ENPP6: variants seen among roughly 807,000 people sequenced by gnomAD.
ENPP6 encodes the protein ectonucleotide pyrophosphatase/phosphodiesterase 6.
In ENPP6, 32 loss-of-function variants were observed where a neutral mutation model predicts 42.0. The observed-to-expected ratio is 0.76, with a 90% confidence interval of 0.58 to 1.02. The LOEUF (loss-of-function observed/expected upper bound fraction) is 1.02, where lower values mean the gene tolerates loss of function less well. ENPP6 is among the 50% of genes least tolerant of loss of function. The pLI is 0.00. For synonymous variants in ENPP6, 213 were observed against 216.0 expected, an observed-to-expected ratio of 0.99 and a Z score of 0.12; for missense variants, 552 against 566.8, an observed-to-expected ratio of 0.97 and a Z score of 0.27.
intron 1 of ENPP6, among the ~76,000 whole-genome samples, chr4:184,186,242 C>T (rs777896271): frequency 5.9e-5 from 9 of 152,094 alleles, no homozygotes; most frequent in Non-Finnish European, 1.2e-4. Context: ...AAGGAAAAAA[C>T]TATGGATACA....
chr4:184,197,036 C>A (rs1021985143), intron 1 of ENPP6, among the ~76,000 whole-genome samples: 1 of 152,178 alleles, frequency 6.6e-6, no homozygotes, highest in East Asian at 1.9e-4. Flanking sequence ...TTTAGCTGGA[C>A]GTTATAATAC....
chr4:184,116,577 T>C (rs1489541171), intron 5 of ENPP6, among the ~76,000 whole-genome samples: 1 of 149,794 alleles, frequency 6.7e-6, no homozygotes, highest in Non-Finnish European at 1.5e-5. Flanking sequence ...CTACTGAAAA[T>C]ACAAAATTAG....
intron 7 of ENPP6, 46 bp from the exon 8 acceptor site, chr4:184,091,428 G>T: frequency 6.5e-7 from 1 of 1,533,680 alleles, no homozygotes; most frequent in Non-Finnish European, 8.9e-7. Flanking sequence ...CAGCTCCAGG[G>T]CAGAGGTGGG....
intron 1 of ENPP6, among the ~76,000 whole-genome samples, chr4:184,217,363 C>T (rs540528241): frequency 9.2e-5 from 14 of 152,196 alleles, no homozygotes; most frequent in Non-Finnish European, 1.6e-4. Flanking sequence ...CACTGAGAAT[C>T]CAAAACAGGT....
chr4:184,144,059 C>T (rs952257281), intron 2 of ENPP6, among the ~76,000 whole-genome samples: 40 of 152,162 alleles, frequency 2.6e-4, no homozygotes, highest in African/African-American at 9.4e-4. Flanking sequence ...GCTGGCAGGG[C>T]CCCCCGGGCC....
chr4:184,160,320 T>A (rs1341161879), intron 1 of ENPP6, among the ~76,000 whole-genome samples: 3 of 152,236 alleles, frequency 2.0e-5, no homozygotes, highest in Non-Finnish European at 2.9e-5. Context: ...TATATCATTT[T>A]TTTACTTTTT....
intron 2 of ENPP6, among the ~76,000 whole-genome samples, chr4:184,150,554 G>C (rs1280721597): frequency 6.6e-6 from 1 of 152,256 alleles, no homozygotes; most frequent in Admixed American, 6.5e-5. Context: ...TATTGGCTGA[G>C]GCTGGAGGGA....
chr4:184,179,879 G>C (rs962887671), intron 1 of ENPP6, among the ~76,000 whole-genome samples: 2 of 152,186 alleles, frequency 1.3e-5, no homozygotes, highest in Admixed American at 1.3e-4. Flanking sequence ...GCAGTGTTAA[G>C]AGGGAAATTT....
At chr4:184,114,591 C>T (rs1043580812) in intron 5 of ENPP6, among the ~76,000 whole-genome samples, 2 of 152,150 alleles carry the variant, frequency 1.3e-5, no homozygotes, top group South Asian at 2.1e-4. Context: ...GACAAACTGT[C>T]GCCCAAACAT....
At chr4:184,131,796 AACACACACACAC>A (rs140275578) in intron 2 of ENPP6, among the ~76,000 whole-genome samples, 2 of 140,586 alleles carry the variant, frequency 1.4e-5, no homozygotes, top group African/African-American at 2.7e-5. Flanking sequence ...GGACCAATAG[AACACACACACAC>A]ACACACACAC....
intron 1 of ENPP6, among the ~76,000 whole-genome samples, chr4:184,185,450 G>C (rs958279093): frequency 6.6e-6 from 1 of 152,156 alleles, no homozygotes; most frequent in African/African-American, 2.4e-5. Context: ...CAGCGCTCTA[G>C]AGCCACATGG....
chr4:184,119,535 C>T (rs1290523258), intron 3 of ENPP6, among the ~76,000 whole-genome samples: 1 of 152,148 alleles, frequency 6.6e-6, no homozygotes, highest in Non-Finnish European at 1.5e-5. Context: ...AATTCGGGAT[C>T]AAACTCTGGC....
intron 1 of ENPP6, among the ~76,000 whole-genome samples, chr4:184,214,665 G>T (rs1733169854): frequency 6.6e-6 from 1 of 152,176 alleles, no homozygotes; most frequent in Non-Finnish European, 1.5e-5. Context: ...AAAAGAATGT[G>T]TTCATGTCCT....
At chr4:184,185,880 C>G (rs1732627367) in intron 1 of ENPP6, among the ~76,000 whole-genome samples, 1 of 152,098 alleles carries the variant, frequency 6.6e-6, no homozygotes, top group African/African-American at 2.4e-5. Flanking sequence ...TTGAGAAAAC[C>G]TGAAAATATG....
At chr4:184,107,547 T>C (rs1173563183) in intron 6 of ENPP6, among the ~76,000 whole-genome samples, 1 of 151,990 alleles carries the variant, frequency 6.6e-6, no homozygotes, top group Non-Finnish European at 1.5e-5. Context: ...GAGGCTGAGG[T>C]GGGCAGATCA....
At chr4:184,171,244 G>A (rs1334107835) in intron 1 of ENPP6, among the ~76,000 whole-genome samples, 1 of 152,220 alleles carries the variant, frequency 6.6e-6, no homozygotes, top group Non-Finnish European at 1.5e-5. Context: ...GACCTTAGCT[G>A]GGTTGTCAGC....
At position 184,140,763 on chromosome 4, in the gene ENPP6, G is replaced by A. The variant is rs573739947; in HGVS notation, c.421+12791C>T. Among the ~76,000 whole-genome samples, 87 of 124,602 alleles carry A rather than the reference G, an allele frequency of 7.0e-4. 1 individual carries two copies. The South Asian group carries it at 0.026, about 37-fold the overall frequency. The allele number at this position is 124,602 out of a possible 152,430, so 81.7% of individuals were successfully genotyped here. Reference sequence around the variant, plus strand: ...TTCAAGATGGATTAAAGACTTAAACGTTAGACCTAAAACCATAAAAACCCT... The same window carrying A: ...TTCAAGATGGATTAAAGACTTAAACATTAGACCTAAAACCATAAAAACCCT... On this transcript the variant is annotated intron_variant, in intron 2 of 7. Coordinates refer to ENST00000296741, the MANE Select transcript of ENPP6 (RefSeq NM_153343.4).
intron 2 of ENPP6, 107 bp from the exon 3 acceptor site, chr4:184,124,379 TGTTG>T: frequency 3.8e-6 from 3 of 790,318 alleles, no homozygotes; most frequent in Non-Finnish European, 6.1e-6. Context: ...AAAATAAAAA[TGTTG>T]AGTATTTTTA....
At chr4:184,206,571 T>C (rs1228475367) in intron 1 of ENPP6, among the ~76,000 whole-genome samples, 1 of 152,104 alleles carries the variant, frequency 6.6e-6, no homozygotes, top group Non-Finnish European at 1.5e-5. Context: ...GCTTGAATTC[T>C]GCAGAAGGCT....
Sources: allele counts gnomAD v4.1 joint callset (sites outside exome capture counted in the v4.1 genomes callset), GRCh38; gene constraint gnomAD v4.1.1; transcripts MANE v1.5; gene names NCBI Gene and HGNC (gene_info 2026-07-23, HGNC 2026-07-21).